The following PPFIBP2 variants were observed in gnomAD, a reference collection of about 807,000 sequenced individuals.
PPFIBP2 encodes liprin-beta-2.
Under a neutral mutation model 118.3 loss-of-function variants are expected in PPFIBP2, and 118 were observed. That is an observed-to-expected ratio of 1.00 (90% CI 0.86 to 1.16). The LOEUF is 1.16. Ranked by LOEUF, PPFIBP2 falls within the 50% of genes most tolerant of loss-of-function variation. PPFIBP2 has a pLI of 0.00. For missense variants in PPFIBP2, 1,195 were observed against 1,073.1 expected (o/e 1.11, Z -1.59); for synonymous variants, 414 against 397.4 (o/e 1.04, Z -0.50).
At chr11:7,526,452 A>G (rs917952294) in intron 1 of PPFIBP2, among the ~76,000 whole-genome samples, 1 of 152,238 alleles carries the variant, frequency 6.6e-6, no homozygotes, top group African/African-American at 2.4e-5. Context: ...CTTGAATGCC[A>G]AACTAAGAAG....
At chr11:7,627,454 CTTT>C (rs60052463) in intron 8 of PPFIBP2, among the ~76,000 whole-genome samples, 1 of 147,528 alleles carries the variant, frequency 6.8e-6, no homozygotes, top group Admixed American at 6.8e-5. Context: ...TTCCCTTGTA[CTTT>C]TTTTTTTTTA....
At chr11:7,568,853 G>T (rs1436598275) in intron 3 of PPFIBP2, 1 of 152,234 alleles carries the variant, frequency 6.6e-6, no homozygotes, top group East Asian at 1.9e-4. Context: ...GAAGCGTTAA[G>T]TGTAAAAGAA....
intron 3 of PPFIBP2, among the ~76,000 whole-genome samples, chr11:7,572,203 G>A (rs1855730189): frequency 6.6e-6 from 1 of 152,056 alleles, no homozygotes; most frequent in African/African-American, 2.4e-5. Context: ...CTAGTAGGTT[G>A]GCCCCTTCCA....
At chr11:7,644,835 G>A (rs1590781187) in intron 17 of PPFIBP2, among the ~76,000 whole-genome samples, 3 of 151,514 alleles carry the variant, frequency 2.0e-5, no homozygotes, top group Admixed American at 6.6e-5. Context: ...AGACCATCCC[G>A]GCTAAAACGG....
intron 1 of PPFIBP2, among the ~76,000 whole-genome samples, chr11:7,537,327 G>A (rs969588431): frequency 2.6e-5 from 4 of 152,094 alleles, no homozygotes; most frequent in African/African-American, 9.7e-5. Flanking sequence ...ACAAAAATGA[G>A]GACACTTTTT....
At chr11:7,580,016 C>T (rs961237654) in intron 3 of PPFIBP2, among the ~76,000 whole-genome samples, 4 of 151,946 alleles carry the variant, frequency 2.6e-5, no homozygotes, top group Non-Finnish European at 4.4e-5. Flanking sequence ...CCCCCCTGGA[C>T]TCACCCTTAA....
chr11:7,607,029 G>T (rs559583903), intron 5 of PPFIBP2, among the ~76,000 whole-genome samples: 1 of 146,256 alleles, frequency 6.8e-6, no homozygotes, highest in South Asian at 2.2e-4. Context: ...TCCTGCCTCA[G>T]CCTCCCCAGT....
In PPFIBP2 at chr11:7,642,396, C is replaced by A; in HGVS notation, c.1616C>A (p.Ser539Tyr). ...GLRATAGPRL[S>Y]RTRDSKGQKS... is the part of the protein sequence containing the mutation. ...CGGGCAACCGCAGGGCCAAGACTCT[C>A]TAGGACCAGGGACTCCAAGGGACAG... Residue 539 changes from serine to tyrosine, a missense_variant, in exon 17 of 24, where the codon TCT (serine) becomes TAT (tyrosine). Transcript: ENST00000299492. 1.2e-6 allele frequency: 2 copies of A among 1,613,970 alleles called. No homozygotes were observed. The highest frequency in any genetic ancestry group is 1.7e-6 in the Non-Finnish European group (2 of 1,179,916).
chr11:7,602,087 C>CAAAAAAAA (rs201003988), intron 5 of PPFIBP2, among the ~76,000 whole-genome samples: 2 of 56,196 alleles, frequency 3.6e-5, no homozygotes, highest in African/African-American at 1.3e-4. Context: ...GAATGAAACT[C>CAAAAAAAA]AAAAAAAAAA....
At chr11:7,646,489 GT>G (rs2135960839) in intron 17 of PPFIBP2, among the ~76,000 whole-genome samples, 1 of 152,342 alleles carries the variant, frequency 6.6e-6, no homozygotes, top group South Asian at 2.1e-4. Context: ...TCAACCGTCT[GT>G]TGTCATAGAA....
At chr11:7,545,119 G>A (rs747636785) in intron 1 of PPFIBP2, among the ~76,000 whole-genome samples, 8 of 152,180 alleles carry the variant, frequency 5.3e-5, no homozygotes, top group East Asian at 1.9e-4. Flanking sequence ...CCAAGGTACC[G>A]TCCAGTAAGG....
chr11:7,544,799 T>A (rs1003534587), intron 1 of PPFIBP2, among the ~76,000 whole-genome samples: 4 of 133,242 alleles, frequency 3.0e-5, no homozygotes, highest in African/African-American at 8.5e-5. Flanking sequence ...AAAAAAAAAA[T>A]CTACTTCCCA....
At chr11:7,541,765 G>A (rs571435245) in intron 1 of PPFIBP2, among the ~76,000 whole-genome samples, 30 of 152,144 alleles carry the variant, frequency 2.0e-4, no homozygotes, top group African/African-American at 6.5e-4. Context: ...GTGTCTATAG[G>A]CCTCTTAAGC....
At chr11:7,635,070 T>G (rs1851275623) in intron 13 of PPFIBP2, among the ~76,000 whole-genome samples, 1 of 152,150 alleles carries the variant, frequency 6.6e-6, no homozygotes, top group South Asian at 2.1e-4. Flanking sequence ...TTGTGGCTCC[T>G]TATATAGGAG....
chr11:7,518,511 G>A (rs1258851478), intron 1 of PPFIBP2, among the ~76,000 whole-genome samples: 1 of 152,010 alleles, frequency 6.6e-6, no homozygotes, highest in Non-Finnish European at 1.5e-5. Context: ...GTCCTGGTTG[G>A]GGACTGCCTC....
At chr11:7,544,418 C>T (rs561763739) in intron 1 of PPFIBP2, among the ~76,000 whole-genome samples, 16 of 152,252 alleles carry the variant, frequency 1.1e-4, no homozygotes, top group African/African-American at 3.6e-4. Flanking sequence ...TTGTTGATTC[C>T]TCTGTTGTCC....
At chr11:7,666,028 G>C in the PPFIBP2 span, 1 of 925,622 alleles carries the variant, frequency 1.1e-6, no homozygotes, top group Admixed American at 2.0e-5. Context: ...ATGCTGTCTG[G>C]GCTGCAGCAG....
At chr11:7,519,362 CG>C (rs1849526653) in intron 1 of PPFIBP2, among the ~76,000 whole-genome samples, 1 of 151,968 alleles carries the variant, frequency 6.6e-6, no homozygotes, top group Non-Finnish European at 1.5e-5. Context: ...TTGCAGAGGT[CG>C]GGTTGTGATC....
At chr11:7,623,957 G>T (rs1236304470) in intron 7 of PPFIBP2, among the ~76,000 whole-genome samples, 1 of 152,228 alleles carries the variant, frequency 6.6e-6, no homozygotes, top group Non-Finnish European at 1.5e-5. Context: ...CAGAAAGTGG[G>T]TTACACAGCA....
Sources: gnomAD v4.1 joint callset for allele counts (sites outside exome capture counted in the v4.1 genomes callset) on GRCh38, gnomAD v4.1.1 for gene constraint, MANE v1.5 for transcripts, NCBI Gene and HGNC (gene_info 2026-07-23, HGNC 2026-07-21) for gene names.